Variants in PACRG observed in about 807,000 individuals in gnomAD.
PACRG encodes the protein parkin coregulated gene protein.
In PACRG, 29 loss-of-function variants were observed where a neutral mutation model predicts 29.7. The ratio of observed to expected loss-of-function variants is 0.98; its 90% CI spans 0.73 to 1.33. The LOEUF is 1.33. Ranked by LOEUF, PACRG falls within the 40% of genes most tolerant of loss-of-function variation. The pLI, the probability that PACRG is intolerant of heterozygous loss-of-function variation, is 0.00. For missense variants in PACRG, 279 were observed against 316.2 expected (o/e 0.88, Z 0.89); for synonymous variants, 116 against 118.7 (o/e 0.98, Z 0.15).
chr6:162,759,433 G>T (rs755108699), intron 1 of PACRG, among the ~76,000 whole-genome samples: 8 of 152,092 alleles, frequency 5.3e-5, no homozygotes, highest in Non-Finnish European at 8.8e-5. Context: ...GAATATTCTT[G>T]GTCATTGAGA....
intron 2 of PACRG, among the ~76,000 whole-genome samples, chr6:162,886,281 G>T (rs758750841): frequency 7.2e-5 from 11 of 152,072 alleles, no homozygotes; most frequent in Non-Finnish European, 1.3e-4. Context: ...CTCTCCTTCA[G>T]TGTCTCTGGC....
In PACRG at chr6:162,959,804, T is replaced by A. The variant is rs537283887; in HGVS notation, c.292-102346T>A. 3.1e-4 allele frequency among the ~76,000 whole-genome samples: 47 copies of A among 152,236 alleles called. 1 individual carries two copies. The South Asian group carries it at 9.5e-3, about 31-fold the overall frequency. On this transcript the variant is annotated intron_variant, in intron 2 of 4. Transcript: ENST00000366888. ...GGAATGTGGTTGGATCCTGGACATA[T>A]GAATGTGCCAGCAGTATGACAGAAA...
rs1407732695 is a variant in PACRG, at chr6:163,185,575, G to A, written c.613+96167G>A. Reference sequence around the variant, plus strand: ...CGTTAAGAAAAAGAACAAATTGAGTGCCCACAATATAAATGGTGGCCCTGC... The same window carrying A: ...CGTTAAGAAAAAGAACAAATTGAGTACCCACAATATAAATGGTGGCCCTGC... On this transcript the variant is annotated intron_variant, in intron 4 of 4. Coordinates refer to ENST00000366888, the MANE Select transcript of PACRG (RefSeq NM_001080379.2). Among the ~76,000 whole-genome samples, 8 of 152,118 alleles carry A rather than the reference G, an allele frequency of 5.3e-5. No individual in the cohort carries two copies. In the East Asian group the frequency reaches 1.5e-3, roughly 29 times the overall value.
At chr6:163,032,093 T>C (rs928342718) in intron 2 of PACRG, among the ~76,000 whole-genome samples, 1 of 152,262 alleles carries the variant, frequency 6.6e-6, no homozygotes, top group African/African-American at 2.4e-5. Flanking sequence ...TTCCAACTTC[T>C]GGAGAAATCA....
At chr6:163,050,609 T>C (rs1184160186) in intron 2 of PACRG, among the ~76,000 whole-genome samples, 1 of 152,240 alleles carries the variant, frequency 6.6e-6, no homozygotes, top group Non-Finnish European at 1.5e-5. Context: ...TACCCTTCAG[T>C]CTTAGTCAAA....
chr6:163,118,057 A>G (rs1432934305), intron 4 of PACRG, among the ~76,000 whole-genome samples: 1 of 152,198 alleles, frequency 6.6e-6, no homozygotes, highest in Non-Finnish European at 1.5e-5. Flanking sequence ...TCTGTCAGTA[A>G]TTCATTATGT....
intron 4 of PACRG, among the ~76,000 whole-genome samples, chr6:163,129,566 G>A (rs1816651336): frequency 6.6e-6 from 1 of 152,198 alleles, no homozygotes; most frequent in Admixed American, 6.5e-5. Flanking sequence ...GTTTTCTTAT[G>A]ATTAGAGGTG....
intron 3 of PACRG, among the ~76,000 whole-genome samples, chr6:163,086,908 C>A (rs1813612427): frequency 1.3e-5 from 2 of 152,084 alleles, no homozygotes; most frequent in African/African-American, 4.8e-5. Context: ...GGGTATGATT[C>A]ATCCCTTTCA....
intron 2 of PACRG, among the ~76,000 whole-genome samples, chr6:162,945,497 T>A (rs758811221): frequency 7.9e-5 from 12 of 152,070 alleles, no homozygotes; most frequent in Non-Finnish European, 1.5e-4. Flanking sequence ...CACTCAGATA[T>A]GTAAAGCAAG....
chr6:162,883,651 T>C (rs572550459), intron 2 of PACRG, among the ~76,000 whole-genome samples: 2 of 151,990 alleles, frequency 1.3e-5, no homozygotes, highest in African/African-American at 4.8e-5. Flanking sequence ...AAACATCAAG[T>C]GGTTCAGAAG....
intron 3 of PACRG, among the ~76,000 whole-genome samples, chr6:163,077,426 C>T (rs767039940): frequency 3.9e-5 from 6 of 152,004 alleles, no homozygotes; most frequent in South Asian, 2.1e-4. Flanking sequence ...ACAGACACAG[C>T]GGAAGAAACC....
chr6:162,961,204 TTG>T (rs1379541241), intron 2 of PACRG, among the ~76,000 whole-genome samples: 1 of 152,216 alleles, frequency 6.6e-6, no homozygotes, highest in Non-Finnish European at 1.5e-5. Context: ...TACTGACATA[TTG>T]TGTCATCCCT....
At chr6:163,177,736 T>TTTTTTTTTTTG in intron 4 of PACRG, among the ~76,000 whole-genome samples, 1 of 143,222 alleles carries the variant, frequency 7.0e-6, no homozygotes, top group South Asian at 2.3e-4. Context: ...TTTTTTTTTT[T>TTTTTTTTTTTG]TGCGGGTGGG....
intron 2 of PACRG, chr6:163,046,518 C>A (rs1809408625): frequency 6.6e-6 from 1 of 151,626 alleles, no homozygotes; most frequent in Non-Finnish European, 1.5e-5. Context: ...CTAATAATGC[C>A]CAGAGGAGCT....
intron 1 of PACRG, among the ~76,000 whole-genome samples, chr6:162,741,853 A>G (rs1031937879): frequency 6.6e-6 from 1 of 152,234 alleles, no homozygotes; most frequent in African/African-American, 2.4e-5. Flanking sequence ...TTTGCATTCT[A>G]CAAAAAATAT....
At chr6:162,944,842 G>A (rs1798887673) in intron 2 of PACRG, among the ~76,000 whole-genome samples, 2 of 151,940 alleles carry the variant, frequency 1.3e-5, no homozygotes, top group South Asian at 4.1e-4. Flanking sequence ...ACCATAAAGT[G>A]TCCAAATATT....
intron 1 of PACRG, among the ~76,000 whole-genome samples, chr6:162,755,230 T>G (rs1328785407): frequency 6.6e-6 from 1 of 152,136 alleles, no homozygotes; most frequent in East Asian, 1.9e-4. Flanking sequence ...TGTGTATCTT[T>G]GCAAAAACCT....
intron 2 of PACRG, among the ~76,000 whole-genome samples, chr6:162,933,001 A>G (rs1289207074): frequency 6.6e-6 from 1 of 151,898 alleles, no homozygotes; most frequent in Non-Finnish European, 1.5e-5. Context: ...TTATTGCTGT[A>G]AACTTTCCTC....
intron 2 of PACRG, among the ~76,000 whole-genome samples, chr6:162,905,731 T>C (rs2128066301): frequency 6.6e-6 from 1 of 152,330 alleles, no homozygotes; most frequent in East Asian, 1.9e-4. Context: ...CCAATTAATG[T>C]TGAGCTGTGG....
Sources: allele counts gnomAD v4.1 joint callset (sites outside exome capture counted in the v4.1 genomes callset), GRCh38; gene constraint gnomAD v4.1.1; transcripts MANE v1.5; gene names NCBI Gene and HGNC (gene_info 2026-07-23, HGNC 2026-07-21).